Variants in GPHN observed in about 807,000 individuals in gnomAD.
GPHN encodes gephyrin.
In GPHN, 17 loss-of-function variants were observed where a neutral mutation model predicts 95.5. That is an observed-to-expected ratio of 0.18 (90% confidence interval 0.12 to 0.27). GPHN has a LOEUF of 0.27. Ranked by LOEUF, GPHN falls within the 10% of genes least tolerant of loss-of-function variation. The pLI, the probability that GPHN is intolerant of heterozygous loss-of-function variation, is 1.00. For synonymous variants in GPHN, 320 were observed against 322.5 expected, an observed-to-expected ratio of 0.99 and a Z score of 0.08; for missense variants, 660 against 978.1, an observed-to-expected ratio of 0.67 and a Z score of 4.34.
the GPHN span, among the ~76,000 whole-genome samples, chr14:67,432,667 G>A: frequency 6.6e-6 from 1 of 152,192 alleles, no homozygotes; most frequent in Non-Finnish European, 1.5e-5. Flanking sequence ...AAACAGAAAT[G>A]TATTCTCTCA....
the GPHN span, among the ~76,000 whole-genome samples, chr14:67,421,296 T>C: frequency 6.6e-6 from 1 of 152,130 alleles, no homozygotes; most frequent in Non-Finnish European, 1.5e-5. Context: ...CTGGGCATGG[T>C]AAATCCATGA....
At chr14:66,669,134 C>T (rs561575232) in intron 1 of GPHN, among the ~76,000 whole-genome samples, 1 of 152,108 alleles carries the variant, frequency 6.6e-6, no homozygotes, top group African/African-American at 2.4e-5. Context: ...AAGGCCAAGA[C>T]GGGTGGATCA....
intron 1 of GPHN, among the ~76,000 whole-genome samples, chr14:66,645,691 CAA>C (rs35278627): frequency 2.3e-4 from 25 of 109,014 alleles, no homozygotes; most frequent in Non-Finnish European, 2.3e-4. Context: ...GACTCCATTT[CAA>C]AAAAAAAAAA....
chr14:67,659,871 G>T, the GPHN span: 71 of 1,614,062 alleles, frequency 4.4e-5, no homozygotes, highest in Admixed American at 2.5e-4. Flanking sequence ...GACATCATGG[G>T]GTTTCGGAAA....
chr14:66,700,626 G>A (rs534801779), intron 2 of GPHN, among the ~76,000 whole-genome samples: 1 of 152,176 alleles, frequency 6.6e-6, no homozygotes, highest in African/African-American at 2.4e-5. Flanking sequence ...CAAATATCCA[G>A]TTAAAAATCT....
At chr14:67,359,964 C>T in the GPHN span, 67 of 545,760 alleles carry the variant, frequency 1.2e-4, no homozygotes, top group Admixed American at 5.7e-4. Flanking sequence ...CGGTTCGCCT[C>T]CCAACCCCTC....
chr14:67,622,443 C>T, the GPHN span, among the ~76,000 whole-genome samples: 5 of 152,140 alleles, frequency 3.3e-5, no homozygotes, highest in African/African-American at 1.2e-4. Context: ...GACATGGATT[C>T]AATATTCGAA....
chr14:66,644,753 A>G (rs1595380675), intron 1 of GPHN, among the ~76,000 whole-genome samples: 6 of 152,122 alleles, frequency 3.9e-5, no homozygotes, highest in Admixed American at 3.9e-4. Flanking sequence ...GTCCTTAACC[A>G]CTGTGCCAGT....
the GPHN span, among the ~76,000 whole-genome samples, chr14:67,442,086 G>A: frequency 1.3e-5 from 2 of 152,028 alleles, no homozygotes; most frequent in Non-Finnish European, 2.9e-5. Context: ...ACATACAAAT[G>A]AATCAAGTTT....
At chr14:67,474,019 G>C in the GPHN span, 21 of 1,411,894 alleles carry the variant, frequency 1.5e-5, no homozygotes, top group Non-Finnish European at 2.0e-5. Flanking sequence ...TTGGGAGGCC[G>C]AGGCGGCGGA....
the GPHN span, among the ~76,000 whole-genome samples, chr14:67,329,663 G>A: frequency 3.3e-5 from 5 of 151,920 alleles, no homozygotes; most frequent in African/African-American, 9.7e-5. Flanking sequence ...CGCATCACTT[G>A]AGGCCAGGAG....
intron 1 of GPHN, among the ~76,000 whole-genome samples, chr14:66,638,041 G>T (rs1311079340): frequency 6.6e-6 from 1 of 151,946 alleles, no homozygotes; most frequent in East Asian, 1.9e-4. Flanking sequence ...TTTACCACCT[G>T]GATCTATTGG....
chr14:67,681,746 C>G, the GPHN span, among the ~76,000 whole-genome samples: 1 of 151,946 alleles, frequency 6.6e-6, no homozygotes, highest in Non-Finnish European at 1.5e-5. Context: ...GGTCACAGAG[C>G]AAGATTCCGT....
At chr14:67,608,009 G>C in the GPHN span, among the ~76,000 whole-genome samples, 2 of 152,132 alleles carry the variant, frequency 1.3e-5, no homozygotes, top group Non-Finnish European at 2.9e-5. Flanking sequence ...GGCTGAGACA[G>C]GAGGATTCCT....
chr14:67,060,408 T>G (rs1357403811), intron 11 of GPHN, among the ~76,000 whole-genome samples: 1 of 152,194 alleles, frequency 6.6e-6, no homozygotes, highest in Non-Finnish European at 1.5e-5. Context: ...AAAATAATAA[T>G]GAGGTTCACA....
chr14:67,054,711 C>T (rs1237582952), intron 10 of GPHN, among the ~76,000 whole-genome samples: 2 of 152,112 alleles, frequency 1.3e-5, no homozygotes. Flanking sequence ...AACTACAAGG[C>T]TATAGTAACC....
chr14:67,154,681 A>G (rs1272356014), intron 18 of GPHN, among the ~76,000 whole-genome samples: 1 of 152,178 alleles, frequency 6.6e-6, no homozygotes, highest in Non-Finnish European at 1.5e-5. Flanking sequence ...CAAAGGATAC[A>G]TATCAGCTAT....
chr14:67,082,602 G>C (rs546986180), intron 11 of GPHN, among the ~76,000 whole-genome samples: 6 of 152,132 alleles, frequency 3.9e-5, no homozygotes, highest in African/African-American at 1.4e-4. Context: ...AATTGTTTTG[G>C]CTATTTGGAG....
At chr14:66,768,229 G>T (rs2059035206) in intron 2 of GPHN, among the ~76,000 whole-genome samples, 2 of 151,804 alleles carry the variant, frequency 1.3e-5, no homozygotes, top group Admixed American at 6.6e-5. Context: ...GTATATACAT[G>T]CAAGACAGAG....
Sources: allele counts gnomAD v4.1 joint callset (sites outside exome capture counted in the v4.1 genomes callset), GRCh38; gene constraint gnomAD v4.1.1; transcripts MANE v1.5; gene names NCBI Gene and HGNC (gene_info 2026-07-23, HGNC 2026-07-21).